CTNNA3: variants seen among roughly 807,000 people sequenced by gnomAD.
The protein encoded by CTNNA3 is catenin alpha-3.
A neutral mutation model predicts 95.7 loss-of-function variants in CTNNA3; 76 were observed. That is an observed-to-expected ratio of 0.79 (90% CI 0.66 to 0.96). CTNNA3 has a LOEUF of 0.96. Among genes scored for constraint, CTNNA3 ranks in the 40% least tolerant of loss-of-function variants. The probability of loss-of-function intolerance (pLI) is 0.00; values close to 1 mark genes in which losing one functional copy is unlikely to be tolerated. For synonymous variants in CTNNA3, 431 were observed against 374.4 expected (o/e 1.15, Z -1.74); for missense variants, 1,191 against 1,089.8 (o/e 1.09, Z -1.31).
chr10:67,599,952 G>C (rs1262454891), intron 3 of CTNNA3, among the ~76,000 whole-genome samples: 1 of 151,954 alleles, frequency 6.6e-6, no homozygotes, highest in African/African-American at 2.4e-5. Flanking sequence ...ATTACTATGA[G>C]GTACAGTAAT....
At chr10:66,716,328 C>T (rs1404738575) in intron 9 of CTNNA3, among the ~76,000 whole-genome samples, 1 of 152,078 alleles carries the variant, frequency 6.6e-6, no homozygotes, top group African/African-American at 2.4e-5. Context: ...GTTCATTCCA[C>T]AAGGAAGAAT....
chr10:67,601,021 G>A (rs142453312), intron 3 of CTNNA3, among the ~76,000 whole-genome samples: 1 of 152,292 alleles, frequency 6.6e-6, no homozygotes, highest in Non-Finnish European at 1.5e-5. Flanking sequence ...AGTAGTAGCT[G>A]GTAGCGGGGA....
chr10:67,022,120 A>G (rs148652214), intron 7 of CTNNA3, among the ~76,000 whole-genome samples: 243 of 152,294 alleles, frequency 1.6e-3, no homozygotes, highest in African/African-American at 5.5e-3. Context: ...TTTGAAGCCA[A>G]AGGAGTGGGA....
chr10:66,926,044 G>C (rs767420371), intron 7 of CTNNA3: 5 of 456,834 alleles, frequency 1.1e-5, no homozygotes, highest in South Asian at 4.6e-5. Context: ...GCAACAGTCC[G>C]AGCAGCTTTC....
intron 9 of CTNNA3, among the ~76,000 whole-genome samples, chr10:66,725,539 G>T (rs1460478664): frequency 6.6e-6 from 1 of 152,096 alleles, no homozygotes; most frequent in Non-Finnish European, 1.5e-5. Flanking sequence ...GTAAAGTAGA[G>T]CTTTAATGCC....
At chr10:67,135,787 T>C (rs1385810272) in intron 7 of CTNNA3, among the ~76,000 whole-genome samples, 1 of 152,142 alleles carries the variant, frequency 6.6e-6, no homozygotes, top group Non-Finnish European at 1.5e-5. Flanking sequence ...CTCACACTAG[T>C]CTCAATCTCA....
chr10:65,997,621 A>T (rs79028152), intron 15 of CTNNA3, among the ~76,000 whole-genome samples: 1 of 152,166 alleles, frequency 6.6e-6, no homozygotes, highest in Non-Finnish European at 1.5e-5. Context: ...AGAGTACCGG[A>T]AAGTCAATGA....
In CTNNA3 at chr10:67,559,917, C is replaced by T. The variant is rs561520746; in HGVS notation, c.293-20248G>A. Among the ~76,000 whole-genome samples, 31 of 151,846 alleles carry T rather than the reference C, an allele frequency of 2.0e-4. 1 individual carries two copies. In the East Asian group the frequency reaches 2.9e-3, roughly 14 times the overall value. On this transcript the variant is annotated intron_variant, in intron 3 of 17. Coordinates refer to ENST00000433211, the MANE Select transcript of CTNNA3 (RefSeq NM_013266.4). ...AGAAGATGAAATGAATGAAATGAAG[C>T]GAGAAGGGAAGTTTAGAGAAAAAAG...
intron 12 of CTNNA3, among the ~76,000 whole-genome samples, chr10:66,338,879 T>A (rs1370402437): frequency 6.6e-6 from 1 of 152,020 alleles, no homozygotes; most frequent in Middle Eastern, 3.4e-3. Context: ...AAGAAAATGT[T>A]ACGCATGAAA....
At chr10:66,311,044 G>A (rs1419255045) in intron 12 of CTNNA3, among the ~76,000 whole-genome samples, 1 of 152,110 alleles carries the variant, frequency 6.6e-6, no homozygotes, top group Non-Finnish European at 1.5e-5. Context: ...ATGCAATAAT[G>A]CTCCACATTC....
chr10:66,212,886 C>G (rs2088261999), intron 13 of CTNNA3, among the ~76,000 whole-genome samples: 1 of 151,988 alleles, frequency 6.6e-6, no homozygotes, highest in Admixed American at 6.6e-5. Flanking sequence ...GCCTGTAATC[C>G]CAGCTATGCG....
chr10:67,423,527 G>A (rs542806794), intron 5 of CTNNA3, among the ~76,000 whole-genome samples: 14 of 152,226 alleles, frequency 9.2e-5, no homozygotes, highest in South Asian at 2.1e-4. Flanking sequence ...GTTGTTTTCC[G>A]AAGACAAAGA....
At chr10:67,442,806 T>C (rs550785790) in intron 5 of CTNNA3, among the ~76,000 whole-genome samples, 1 of 152,082 alleles carries the variant, frequency 6.6e-6, no homozygotes, top group Admixed American at 6.6e-5. Flanking sequence ...TTTTTAATTA[T>C]TATTATACTT....
intron 1 of CTNNA3, among the ~76,000 whole-genome samples, chr10:67,734,930 A>G (rs1035467974): frequency 1.3e-5 from 2 of 152,190 alleles, no homozygotes; most frequent in Admixed American, 6.5e-5. Flanking sequence ...CTGATTATAC[A>G]TACATATATC....
chr10:66,498,156 A>T (rs1336058080), intron 11 of CTNNA3, among the ~76,000 whole-genome samples: 1 of 152,130 alleles, frequency 6.6e-6, no homozygotes, highest in South Asian at 2.1e-4. Flanking sequence ...CATATTTCTG[A>T]CAATGACAAC....
intron 5 of CTNNA3, among the ~76,000 whole-genome samples, chr10:67,364,852 T>C (rs1589218070): frequency 6.6e-6 from 1 of 152,184 alleles, no homozygotes; most frequent in African/African-American, 2.4e-5. Context: ...ACTGACTTTC[T>C]TCATAGAATT....
At chr10:66,082,585 T>C (rs1000507874) in intron 14 of CTNNA3, among the ~76,000 whole-genome samples, 1 of 152,126 alleles carries the variant, frequency 6.6e-6, no homozygotes, top group Non-Finnish European at 1.5e-5. Flanking sequence ...TAATTAGTAG[T>C]ATAATACCAA....
intron 5 of CTNNA3, among the ~76,000 whole-genome samples, chr10:67,445,850 T>A (rs1295585521): frequency 6.6e-6 from 1 of 152,206 alleles, no homozygotes; most frequent in Admixed American, 6.5e-5. Context: ...TTTATCATCT[T>A]GCACTGCAAT....
At chr10:67,088,559 T>C (rs1021610688) in intron 7 of CTNNA3, among the ~76,000 whole-genome samples, 1 of 151,948 alleles carries the variant, frequency 6.6e-6, no homozygotes, top group Non-Finnish European at 1.5e-5. Context: ...AAAGACAAAT[T>C]TGCAAGACAC....
Sources: allele counts gnomAD v4.1 joint callset (sites outside exome capture counted in the v4.1 genomes callset), GRCh38; gene constraint gnomAD v4.1.1; transcripts MANE v1.5; gene names NCBI Gene and HGNC (gene_info 2026-07-23, HGNC 2026-07-21).